EPHA3: variants seen among roughly 807,000 people sequenced by gnomAD.
EPHA3 encodes EPH receptor A3, also known as ephrin type-A receptor 3.
EPHA3 carries 42 observed loss-of-function variants against 107.1 expected under a neutral mutation model. The observed-to-expected ratio is 0.39, with a 90% CI of 0.31 to 0.51. The LOEUF is 0.51. Among genes scored for constraint, EPHA3 ranks in the 20% least tolerant of loss-of-function variants. The probability of loss-of-function intolerance (pLI) is 0.78; values close to 1 mark genes in which losing one functional copy is unlikely to be tolerated. For synonymous variants in EPHA3, 461 were observed against 424.8 expected (o/e 1.09, Z -1.05); for missense variants, 1,183 against 1,211.2 (o/e 0.98, Z 0.35).
chr3:89,401,976 T>C (rs1708973238), intron 7 of EPHA3, among the ~76,000 whole-genome samples: 1 of 152,180 alleles, frequency 6.6e-6, no homozygotes, highest in Non-Finnish European at 1.5e-5. Context: ...AAAGCTAATA[T>C]TTATTGTGTC....
At chr3:89,469,066 C>T (rs1020911291) in intron 15 of EPHA3, among the ~76,000 whole-genome samples, 11 of 151,946 alleles carry the variant, frequency 7.2e-5, no homozygotes, top group African/African-American at 2.7e-4. Flanking sequence ...TATAATATGG[C>T]CCAATCCTTT....
intron 2 of EPHA3, among the ~76,000 whole-genome samples, chr3:89,159,594 T>C (rs1268751208): frequency 6.6e-6 from 1 of 152,136 alleles, no homozygotes; most frequent in African/African-American, 2.4e-5. Flanking sequence ...TGGGCAGGAA[T>C]AGTCAATGAA....
chr3:89,162,100 C>A (rs1704960220), intron 2 of EPHA3, among the ~76,000 whole-genome samples: 1 of 151,978 alleles, frequency 6.6e-6, no homozygotes, highest in Admixed American at 6.6e-5. Context: ...GAGATTTACA[C>A]AGGAACTGGG....
intron 3 of EPHA3, among the ~76,000 whole-genome samples, chr3:89,214,894 A>T (rs1704188012): frequency 6.6e-6 from 1 of 151,946 alleles, no homozygotes; most frequent in Non-Finnish European, 1.5e-5. Context: ...AACAACTGCA[A>T]TGCAAAAATA....
At chr3:89,232,521 G>T (rs2107227762) in intron 3 of EPHA3, among the ~76,000 whole-genome samples, 1 of 152,200 alleles carries the variant, frequency 6.6e-6, no homozygotes, top group East Asian at 1.9e-4. Context: ...GCTATACATA[G>T]GTTCCATGTA....
At chr3:89,437,364 G>T (rs1437213835) in intron 13 of EPHA3, among the ~76,000 whole-genome samples, 2 of 151,800 alleles carry the variant, frequency 1.3e-5, no homozygotes, top group African/African-American at 2.4e-5. Context: ...TTTCGTTTGG[G>T]ATGGATATGA....
chr3:89,268,099 A>T (rs778512183), intron 3 of EPHA3, among the ~76,000 whole-genome samples: 8 of 152,148 alleles, frequency 5.3e-5, no homozygotes, highest in Non-Finnish European at 8.8e-5. Flanking sequence ...AAGAAAAATT[A>T]TGAAGTTAAT....
At chr3:89,424,867 A>G (rs1259218386) in intron 11 of EPHA3, among the ~76,000 whole-genome samples, 1 of 151,468 alleles carries the variant, frequency 6.6e-6, no homozygotes. Flanking sequence ...GTTAAGCATA[A>G]ATAAATATAA....
chr3:89,197,158 A>G (rs1330615335), intron 2 of EPHA3, among the ~76,000 whole-genome samples: 3 of 152,156 alleles, frequency 2.0e-5, no homozygotes, highest in African/African-American at 7.2e-5. Context: ...ATGACCTTCT[A>G]CTCAACTACT....
intron 2 of EPHA3, among the ~76,000 whole-genome samples, chr3:89,171,672 T>C (rs114922558): frequency 0.014 from 2,074 of 152,282 alleles, 55 homozygotes; most frequent in African/African-American, 0.048. Context: ...GCTAAAAGGT[T>C]ATATGTTTTC....
chr3:89,316,919 A>G (rs1429750654), intron 3 of EPHA3, among the ~76,000 whole-genome samples: 2 of 151,616 alleles, frequency 1.3e-5, no homozygotes, highest in African/African-American at 4.8e-5. Context: ...ATATTTTTGT[A>G]CTCAGTATAA....
intron 2 of EPHA3, among the ~76,000 whole-genome samples, chr3:89,144,679 T>G (rs1704497402): frequency 6.6e-6 from 1 of 151,808 alleles, no homozygotes; most frequent in Non-Finnish European, 1.5e-5. Context: ...TATTTATTTT[T>G]GCTTAAATGG....
chr3:89,224,884 TA>T (rs1389918136), intron 3 of EPHA3, among the ~76,000 whole-genome samples: 11 of 151,096 alleles, frequency 7.3e-5, no homozygotes, highest in East Asian at 1.9e-4. Flanking sequence ...TAAATAATAA[TA>T]AAAAAATAAA....
chr3:89,242,840 G>C (rs182783728), intron 3 of EPHA3, among the ~76,000 whole-genome samples: 2 of 151,752 alleles, frequency 1.3e-5, no homozygotes, highest in East Asian at 3.9e-4. Flanking sequence ...TGCCATGTTG[G>C]TGTGCTGCAC....
At chr3:89,424,397 A>G (rs781292543) in intron 11 of EPHA3, among the ~76,000 whole-genome samples, 3 of 151,432 alleles carry the variant, frequency 2.0e-5, no homozygotes, top group Non-Finnish European at 4.4e-5. Context: ...ACAGCCCCCA[A>G]ACAAACACAA....
chr3:89,392,448 A>T (rs1043816813), intron 5 of EPHA3, among the ~76,000 whole-genome samples: 4 of 151,962 alleles, frequency 2.6e-5, no homozygotes, highest in Non-Finnish European at 5.9e-5. Flanking sequence ...AAAAAAAAAA[A>T]ACCTAGGCTA....
At chr3:89,351,231 C>A (rs1481896518) in intron 5 of EPHA3, among the ~76,000 whole-genome samples, 1 of 151,194 alleles carries the variant, frequency 6.6e-6, no homozygotes, top group East Asian at 1.9e-4. Context: ...TGCTGCCTTG[C>A]AGTTTGATCT....
At chr3:89,386,443 G>A (rs1466335745) in intron 5 of EPHA3, among the ~76,000 whole-genome samples, 1 of 152,190 alleles carries the variant, frequency 6.6e-6, no homozygotes, top group African/African-American at 2.4e-5. Context: ...CAAGACCCAA[G>A]CCTTGGCAGC....
At chr3:89,162,112 A>G (rs1161970802) in intron 2 of EPHA3, among the ~76,000 whole-genome samples, 3 of 152,236 alleles carry the variant, frequency 2.0e-5, no homozygotes, top group Non-Finnish European at 4.4e-5. Flanking sequence ...GGAACTGGGA[A>G]TTAGATGAAC....
Sources: allele counts gnomAD v4.1 joint callset (sites outside exome capture counted in the v4.1 genomes callset), GRCh38; gene constraint gnomAD v4.1.1; transcripts MANE v1.5; gene names NCBI Gene and HGNC (gene_info 2026-07-23, HGNC 2026-07-21).